Variants in CUBN observed in about 807,000 individuals in gnomAD.
CUBN encodes the protein cubilin.
In CUBN, 282 loss-of-function variants were observed where a neutral mutation model predicts 405.3. That is an observed-to-expected ratio of 0.70 (90% CI 0.63 to 0.77). The LOEUF (loss-of-function observed/expected upper bound fraction) is 0.77, where lower values mean the gene tolerates loss of function less well. Ranked by LOEUF, CUBN falls within the 30% of genes least tolerant of loss-of-function variation. The probability of loss-of-function intolerance (pLI) is 0.00; values close to 1 mark genes in which losing one functional copy is unlikely to be tolerated. For synonymous variants in CUBN, 1,684 were observed against 1,617.0 expected (o/e 1.04, Z -0.99); for missense variants, 4,514 against 4,475.2 (o/e 1.01, Z -0.25).
At chr10:17,109,840 C>CT (rs1426628414) in intron 9 of CUBN, 105 bp from the exon 10 acceptor site, 2 of 836,326 alleles carry the variant, frequency 2.4e-6, no homozygotes, top group African/African-American at 3.3e-5. Flanking sequence ...CAGGGATCCT[C>CT]TATCATCGAA....
chr10:16,864,235 G>T (rs989742855), intron 59 of CUBN, among the ~76,000 whole-genome samples: 3 of 152,172 alleles, frequency 2.0e-5, no homozygotes, highest in Non-Finnish European at 4.4e-5. Context: ...TTCAGATTTA[G>T]GTTATAAAAT....
intron 56 of CUBN, among the ~76,000 whole-genome samples, chr10:16,884,177 T>A (rs780852): frequency 0.65 from 99,196 of 151,842 alleles, 32,845 homozygotes; most frequent in Middle Eastern, 0.78. Flanking sequence ...AGAGACAAGG[T>A]TTCACCGTGT....
chr10:16,876,829 T>C, intron 57 of CUBN, 68 bp downstream of exon 57: 2 of 1,356,324 alleles, frequency 1.5e-6, no homozygotes, highest in South Asian at 1.2e-5. Flanking sequence ...TGAATCGCAG[T>C]GAAAACTCTT....
rs750687833 is a variant in CUBN, at chr10:17,088,350, A to C, written c.1766-5T>G. The C allele has an allele frequency of 1.9e-6, 3 of 1,601,462 alleles. No homozygotes were observed. Among genetic ancestry groups the C allele is most frequent in the Non-Finnish European group, 2.6e-6 (3 of 1,168,624 alleles). On this transcript the variant is annotated splice_polypyrimidine_tract_variant and splice_region_variant and intron_variant, in intron 14 of 66. Transcript: ENST00000377833. ...CAGTCAGGATACCTCCACACTCTAA[A>C]ATAAGAGGGAAAAATAATGTTACAT...
chr10:16,999,102 A>G (rs1262797373), intron 28 of CUBN, among the ~76,000 whole-genome samples: 2 of 152,368 alleles, frequency 1.3e-5, no homozygotes, highest in Admixed American at 6.5e-5. Flanking sequence ...GAAAACAGAT[A>G]CAAGAAGCTT....
chr10:16,936,945 G>A (rs1482718494), intron 39 of CUBN, among the ~76,000 whole-genome samples: 1 of 152,008 alleles, frequency 6.6e-6, no homozygotes, highest in African/African-American at 2.4e-5. Context: ...TCGAACTCCC[G>A]ACCACAAGTG....
chr10:17,060,340 C>T (rs1380370913), intron 22 of CUBN, among the ~76,000 whole-genome samples: 1 of 151,922 alleles, frequency 6.6e-6, no homozygotes, highest in Non-Finnish European at 1.5e-5. Flanking sequence ...AGGCTGGTCT[C>T]GAACTCCCGA....
At chr10:16,938,873 C>A in intron 38 of CUBN, 90 bp downstream of exon 38, 1 of 1,189,182 alleles carries the variant, frequency 8.4e-7, no homozygotes, top group Admixed American at 1.7e-5. Context: ...ACATGATTTG[C>A]AAATGCTTGA....
At chr10:16,995,234 T>A (rs1833699486) in intron 28 of CUBN, among the ~76,000 whole-genome samples, 1 of 152,198 alleles carries the variant, frequency 6.6e-6, no homozygotes, top group Non-Finnish European at 1.5e-5. Flanking sequence ...TAGAACTGCT[T>A]AATTGGCATG....
At chr10:17,081,993 G>A (rs1432079536) in intron 17 of CUBN, among the ~76,000 whole-genome samples, 1 of 152,024 alleles carries the variant, frequency 6.6e-6, no homozygotes, top group Non-Finnish European at 1.5e-5. Flanking sequence ...AATCCTTGAG[G>A]GAAATTTGGT....
intron 32 of CUBN, 48 bp downstream of exon 32, chr10:16,954,341 A>C: frequency 6.2e-7 from 1 of 1,604,872 alleles, no homozygotes; most frequent in Non-Finnish European, 8.5e-7. Flanking sequence ...CACCAAACAG[A>C]GCACTGAAGA....
In CUBN at chr10:17,072,057, G is replaced by A. The variant is rs1387645035; in HGVS notation, c.2302-86C>T. The A allele has an allele frequency of 3.8e-6, 4 of 1,059,222 alleles. No homozygotes were observed. In the East Asian group the frequency reaches 7.8e-5, roughly 21 times the overall value. The allele number at this position is 1,059,222 out of a possible 1,614,324, so 65.6% of individuals were successfully genotyped here. On this transcript the variant is annotated intron_variant, in intron 17 of 66. Coordinates refer to ENST00000377833, the MANE Select transcript of CUBN (RefSeq NM_001081.4). ...GGCGTTACTTGGAGATGAAAAAATGGCAGATTCAAAATGAATGATAATCCA... is the reference window on the plus strand; with the variant it reads ...GGCGTTACTTGGAGATGAAAAAATGACAGATTCAAAATGAATGATAATCCA...
intron 4 of CUBN, among the ~76,000 whole-genome samples, chr10:17,126,213 G>A (rs1023430472): frequency 1.3e-5 from 2 of 152,178 alleles, no homozygotes; most frequent in East Asian, 1.9e-4. Context: ...GTCTTTAAAA[G>A]GTCAGCTTCC....
chr10:16,943,036 TGGA>T (rs1321247447), intron 36 of CUBN, among the ~76,000 whole-genome samples: 2 of 152,220 alleles, frequency 1.3e-5, no homozygotes, highest in Admixed American at 1.3e-4. Flanking sequence ...TCTCAGCTAA[TGGA>T]GGAGAATAGT....
At chr10:16,927,775 G>A (rs970000941) in intron 41 of CUBN, among the ~76,000 whole-genome samples, 2 of 152,216 alleles carry the variant, frequency 1.3e-5, no homozygotes, top group African/African-American at 4.8e-5. Context: ...AGTAATTTAT[G>A]AGAATAAATG....
chr10:17,101,735 C>CA (rs1156571052), intron 13 of CUBN, among the ~76,000 whole-genome samples: 3 of 152,118 alleles, frequency 2.0e-5, no homozygotes, highest in African/African-American at 7.2e-5. Flanking sequence ...CGGAGCGGCT[C>CA]AGAGTGACAG....
At chr10:16,906,646 T>G (rs937247205) in intron 49 of CUBN, among the ~76,000 whole-genome samples, 2 of 152,184 alleles carry the variant, frequency 1.3e-5, no homozygotes, top group African/African-American at 4.8e-5. Flanking sequence ...GTAGATTAAG[T>G]GGTGGGCGTT....
At chr10:17,036,263 T>C (rs1481902540) in intron 27 of CUBN, among the ~76,000 whole-genome samples, 1 of 152,150 alleles carries the variant, frequency 6.6e-6, no homozygotes, top group East Asian at 1.9e-4. Flanking sequence ...TTGAGGTAAA[T>C]GATCCTGTAG....
intron 31 of CUBN, among the ~76,000 whole-genome samples, chr10:16,970,090 G>GGT (rs1843509106): frequency 6.7e-6 from 1 of 150,044 alleles, no homozygotes; most frequent in African/African-American, 2.5e-5. Context: ...GAGGGTGAGG[G>GGT]GTGGTACACG....
Sources: gnomAD v4.1 joint callset for allele counts (sites outside exome capture counted in the v4.1 genomes callset) on GRCh38, gnomAD v4.1.1 for gene constraint, MANE v1.5 for transcripts, NCBI Gene and HGNC (gene_info 2026-07-23, HGNC 2026-07-21) for gene names.